Variants in BAZ2A observed in about 807,000 individuals in gnomAD.
BAZ2A encodes the protein bromodomain adjacent to zinc finger domain protein 2A.
Under a neutral mutation model 199.9 loss-of-function variants are expected in BAZ2A, and 34 were observed. The observed-to-expected ratio is 0.17, with a 90% confidence interval of 0.13 to 0.23. BAZ2A has a LOEUF of 0.23. Ranked by LOEUF, BAZ2A falls within the 10% of genes least tolerant of loss-of-function variation. The probability of loss-of-function intolerance (pLI) is 1.00; values close to 1 mark genes in which losing one functional copy is unlikely to be tolerated. For synonymous variants in BAZ2A, 857 were observed against 883.9 expected (o/e 0.97, Z 0.54); for missense variants, 2,002 against 2,391.1 (o/e 0.84, Z 3.39).
chr12:56,625,369 T>G (rs911027454), intron 1 of BAZ2A, among the ~76,000 whole-genome samples: 1 of 151,930 alleles, frequency 6.6e-6, no homozygotes. Context: ...TTGGTCAGGC[T>G]GGTCTTGAAC....
At chr12:56,619,206 G>C (rs145352461) in intron 1 of BAZ2A, among the ~76,000 whole-genome samples, 1 of 151,924 alleles carries the variant, frequency 6.6e-6, no homozygotes, top group African/African-American at 2.4e-5. Flanking sequence ...TTAGCTGGGC[G>C]TGGTGGCAGG....
At chr12:56,614,453 T>C (rs1950654114) in intron 3 of BAZ2A, 1 of 302,086 alleles carries the variant, frequency 3.3e-6, no homozygotes, top group Admixed American at 4.5e-5. Flanking sequence ...TGGTTACCCT[T>C]GTACCAGGAA....
intron 10 of BAZ2A, 145 bp downstream of exon 10, chr12:56,609,591 G>C (rs1413376761): frequency 1.0e-6 from 1 of 952,408 alleles, no homozygotes; most frequent in Non-Finnish European, 1.6e-6. Context: ...CTAGGATGCT[G>C]GATTCCAAGG....
intron 1 of BAZ2A, among the ~76,000 whole-genome samples, chr12:56,619,345 CAAA>C (rs1046293416): frequency 8.6e-6 from 1 of 116,310 alleles, no homozygotes. Flanking sequence ...GACTTCATCT[CAAA>C]AAAAAAAAAA....
intron 1 of BAZ2A, among the ~76,000 whole-genome samples, chr12:56,619,500 C>T (rs1305622548): frequency 1.4e-5 from 2 of 141,438 alleles, no homozygotes; most frequent in African/African-American, 5.3e-5. Context: ...CAGAGCATGA[C>T]CCTGTCTCAA....
intron 1 of BAZ2A, among the ~76,000 whole-genome samples, chr12:56,622,731 T>C (rs1448619413): frequency 6.6e-6 from 1 of 152,136 alleles, no homozygotes; most frequent in African/African-American, 2.4e-5. Flanking sequence ...ATGACTCTCA[T>C]ACCAGGAAGT....
chr12:56,638,098 C>T (rs1592642901), upstream of BAZ2A: 4 of 475,248 alleles, frequency 8.4e-6, no homozygotes, highest in East Asian at 1.4e-4. Context: ...AGCCAGACAC[C>T]GTGTCTCTAA....
intron 1 of BAZ2A, among the ~76,000 whole-genome samples, chr12:56,625,875 C>CAAAAAAAAAAAAA (rs748737235): frequency 2.4e-4 from 13 of 55,180 alleles, no homozygotes; most frequent in East Asian, 5.4e-4. Context: ...AACTCCGTCT[C>CAAAAAAAAAAAAA]AAAAAAAAAA....
At position 56,623,411 on chromosome 12, in the gene BAZ2A, C is replaced by A. The variant is rs117263826; in HGVS notation, c.-2-5879G>T. On this transcript the variant is annotated intron_variant, in intron 1 of 28. Transcript: ENST00000549884. ...CAGCTGGATACTGCAGTGGTCCCTG[C>A]AGCTCTTGGGTTCATTCTTCTCATG... Among the ~76,000 whole-genome samples the A allele has an allele frequency of 3.6e-3, 549 of 152,258 alleles. 3 individuals are homozygous for A. Among genetic ancestry groups the A allele is most frequent in the Non-Finnish European group, 6.6e-3 (447 of 68,022 alleles).
chr12:56,612,992 T>C (rs2137029899), intron 5 of BAZ2A, 23 bp downstream of exon 5: 2 of 1,588,434 alleles, frequency 1.3e-6, no homozygotes, highest in East Asian at 2.2e-5. Context: ...AGGTCTTTCT[T>C]TGTCCTACCT....
At position 56,604,301 on chromosome 12, in the gene BAZ2A, A is replaced by C; in HGVS notation, c.2964-10T>G. Reference sequence around the variant, plus strand: ...AGTCTTGTCAATCTCACTGCAGGGGAATAGGGAATAGGATGAAGTGGCAGC... The same window carrying C: ...AGTCTTGTCAATCTCACTGCAGGGGCATAGGGAATAGGATGAAGTGGCAGC... On this transcript the variant is annotated splice_polypyrimidine_tract_variant and intron_variant, in intron 15 of 28. Transcript: ENST00000549884. The C allele has an allele frequency of 6.2e-7, 1 of 1,602,150 alleles. No homozygotes were observed. The highest frequency in any genetic ancestry group is 8.5e-7 in the Non-Finnish European group (1 of 1,173,218).
At chr12:56,606,178 T>C (rs1179142602) in intron 12 of BAZ2A, 69 bp downstream of exon 12, 6 of 1,604,666 alleles carry the variant, frequency 3.7e-6, no homozygotes, top group East Asian at 4.5e-5. Flanking sequence ...ACAAGACTGA[T>C]GTACATGTCC....
At chr12:56,605,778 T>A in intron 13 of BAZ2A, 52 bp downstream of exon 13, 23 of 1,453,966 alleles carry the variant, frequency 1.6e-5, no homozygotes, top group Admixed American at 2.5e-5. Context: ...TTTTTTTTTT[T>A]AAAGGAAAGT....
rs1194805017 is a variant in BAZ2A at position 56,614,048 on chromosome 12, C to T, written c.821G>A (p.Ser274Asn). 4.3e-6 allele frequency: 7 copies of T among 1,613,880 alleles called. No individual in the cohort carries two copies. Among genetic ancestry groups the T allele is most frequent in the Non-Finnish European group, 5.9e-6 (7 of 1,179,890 alleles). ...VSVLVPDPTV[S>N]CLDDPSHLPD... ...AAGATGTGAAGGATCATCTAAACAG[C>T]TCACTGTGGGGTCAGGGACCAGGAC... is the stretch of plus-strand genomic sequence containing the variant. The change falls in exon 4 of 29, where the codon AGC (serine) becomes AAC (asparagine). Residue 274 changes from serine (S) to asparagine (N), a missense_variant. Coordinates refer to ENST00000549884, the MANE Select transcript of BAZ2A (RefSeq NM_001300905.2).
rs758963612 is a variant in BAZ2A, at chr12:56,602,091, A to G, written c.3526T>C (p.Ser1176Pro). ...GCAGGAGAACTGGCAGTGGTGTTGG[A>G]GCCAGCTAACTCCATCTTCATAGAG... ...LFSMKMELAG[S>P]NTTASSPARA... The change falls in exon 20 of 29, where the codon TCC (serine) becomes CCC (proline). Residue 1176 changes from serine to proline, a missense_variant. Physicochemically the swap from Ser to Pro is moderately conservative, Grantham distance 74. Around this residue, in one of 6 missense-constraint regions of BAZ2A, gnomAD observed 1,081 missense variants for 1,274.7 expected, o/e 0.85. Coordinates refer to ENST00000549884, the MANE Select transcript of BAZ2A (RefSeq NM_001300905.2). 7.0e-6 allele frequency: 11 copies of G among 1,581,060 alleles called. No individual in the cohort carries two copies. The Admixed American group carries it at 2.0e-4, about 29-fold the overall frequency.
In BAZ2A at chr12:56,598,648, C is replaced by G. The variant is rs747857918; in HGVS notation, c.5682G>C (p.Glu1894Asp). The G allele has an allele frequency of 6.2e-7, 1 of 1,613,772 alleles. No individual in the cohort carries two copies. Among genetic ancestry groups the G allele is most frequent in the Non-Finnish European group, 8.5e-7 (1 of 1,179,874 alleles). Residue 1894 changes from glutamate (E) to aspartate (D), a missense_variant, in exon 29 of 29, where the codon GAG (glutamate) becomes GAC (aspartate). Around this residue, in one of 6 missense-constraint regions of BAZ2A, gnomAD observed 76 missense variants for 139.3 expected, o/e 0.55. Coordinates refer to ENST00000549884, the MANE Select transcript of BAZ2A (RefSeq NM_001300905.2). ...MRRFFESRWE[E>D]FYQGKQANL The stretch of plus-strand genomic sequence containing the variant: ...GATTGGCCTGTTTTCCCTGATAAAA[C>G]TCCTCCCAGCGGCTCTCGAAGAAGC...
chr12:56,623,765 C>T (rs558272670), intron 1 of BAZ2A, among the ~76,000 whole-genome samples: 24 of 152,214 alleles, frequency 1.6e-4, no homozygotes, highest in African/African-American at 5.1e-4. Flanking sequence ...CCCCCCACAA[C>T]GAAGATATTA....
At chr12:56,620,974 C>T (rs1025994284) in intron 1 of BAZ2A, 1 of 742,780 alleles carries the variant, frequency 1.3e-6, no homozygotes, top group African/African-American at 1.9e-5. Flanking sequence ...AAGTTCATTC[C>T]TTAGTCTCCA....
rs578188285 is a variant in BAZ2A at position 56,602,786 on chromosome 12, G to A, written c.3351C>T (p.Asp1117=). The change falls in exon 19 of 29, where the codon GAC becomes GAT. Residue 1117 remains aspartate, a synonymous_variant. Transcript: ENST00000549884. ...ATACCCAGTAGCGACGTCTGTAGCG[G>A]TCCTGACCCAGGGAGACCGCCCGAA... The part of the protein sequence containing the change: ...QMLRAVSLGQ[D]RYRRRYWVLP... 1.2e-6 allele frequency: 2 copies of A among 1,613,956 alleles called. No homozygotes were observed. The highest frequency in any genetic ancestry group is 1.3e-5 in the African/African-American group (1 of 75,054).
Sources: allele counts gnomAD v4.1 joint callset (sites outside exome capture counted in the v4.1 genomes callset), GRCh38; gene constraint gnomAD v4.1.1; regional missense constraint gnomAD v4.1.1; transcripts MANE v1.5; gene names NCBI Gene and HGNC (gene_info 2026-07-23, HGNC 2026-07-21).